The following APCDD1 variants were observed in gnomAD, a reference collection of about 807,000 sequenced individuals.
APCDD1 encodes protein APCDD1.
In APCDD1, 15 loss-of-function variants were observed where a neutral mutation model predicts 38.1. That is an observed-to-expected ratio of 0.39 (90% confidence interval 0.26 to 0.61). APCDD1 has a LOEUF of 0.61. Among genes scored for constraint, APCDD1 ranks in the 20% least tolerant of loss-of-function variants. The probability of loss-of-function intolerance (pLI) is 0.49; values close to 1 mark genes in which losing one functional copy is unlikely to be tolerated. For synonymous variants in APCDD1, 261 were observed against 279.7 expected (o/e 0.93, Z 0.67); for missense variants, 647 against 696.2 (o/e 0.93, Z 0.79).
intron 3 of APCDD1, among the ~76,000 whole-genome samples, chr18:10,484,093 C>G (rs753283874): frequency 1.3e-5 from 2 of 152,184 alleles, no homozygotes; most frequent in East Asian, 3.8e-4. Context: ...CTGCTGTGTC[C>G]GTGTTATAAA....
At chr18:10,477,558 G>T (rs1451803261) in intron 3 of APCDD1, 3 of 152,230 alleles carry the variant, frequency 2.0e-5, no homozygotes, top group Non-Finnish European at 4.4e-5. Flanking sequence ...TATTTAAGGA[G>T]TTAGGGGACC....
intron 3 of APCDD1, among the ~76,000 whole-genome samples, chr18:10,478,720 C>T (rs1489180833): frequency 3.3e-5 from 5 of 152,162 alleles, no homozygotes; most frequent in African/African-American, 7.2e-5. Context: ...GATTTTGAGG[C>T]GACACAAACA....
In APCDD1 at chr18:10,488,437, C is replaced by T. The variant is rs138936528; in HGVS notation, c.*399C>T. The T allele has an allele frequency of 2.3e-3, 447 of 193,228 alleles. 2 individuals carry two copies. The highest frequency in any genetic ancestry group is 9.7e-3 in the African/African-American group (408 of 42,044). 12.0% of individuals were successfully genotyped at this position (193,228 alleles called of 1,614,324 possible). On this transcript the variant is annotated 3_prime_UTR_variant, in exon 5 of 5. Coordinates refer to ENST00000355285, the MANE Select transcript of APCDD1 (RefSeq NM_153000.5). ...TTTTCCTGCCATTTTCCTGTGGTTGCAGCCTGTCTTCCTTTGAAATTGTTT... is the reference window on the plus strand; with the variant it reads ...TTTTCCTGCCATTTTCCTGTGGTTGTAGCCTGTCTTCCTTTGAAATTGTTT...
chr18:10,479,336 T>C (rs146993593), intron 3 of APCDD1, among the ~76,000 whole-genome samples: 1 of 152,338 alleles, frequency 6.6e-6, no homozygotes, highest in Non-Finnish European at 1.5e-5. Context: ...GGAACACTGC[T>C]TTTGAAGGCT....
intron 1 of APCDD1, 47 bp downstream of exon 1, chr18:10,455,086 C>G: frequency 6.5e-7 from 1 of 1,545,208 alleles, no homozygotes; most frequent in Non-Finnish European, 8.7e-7. Flanking sequence ...GCGGAGGCAG[C>G]CCGGGCGCCG....
At chr18:10,455,163 T>A in intron 1 of APCDD1, 124 bp downstream of exon 1, 2 of 1,410,654 alleles carry the variant, frequency 1.4e-6, no homozygotes, top group Non-Finnish European at 9.3e-7. Flanking sequence ...GCGGGGCGGG[T>A]CCGAGGGGAG....
chr18:10,487,792 G>T lies in APCDD1; in HGVS notation c.1299G>T (p.Gly433=). The change falls in exon 5 of 5, where the codon GGG becomes GGT. Residue 433 remains glycine (G), a synonymous_variant. Coordinates refer to ENST00000355285, the MANE Select transcript of APCDD1 (RefSeq NM_153000.5). The stretch of plus-strand genomic sequence containing the variant: ...TCAAAATGGAACAGGATGCCCGGGG[G>T]CGCTATCTGCTGTTCAACGGTCAGA... ...EIFKMEQDAR[G]RYLLFNGQRP... is the part of the protein sequence containing the mutation. 1.2e-6 allele frequency: 2 copies of T among 1,614,148 alleles called. No individual in the cohort carries two copies. Among genetic ancestry groups the T allele is most frequent in the Non-Finnish European group, 1.7e-6 (2 of 1,180,042 alleles).
chr18:10,487,608 C>T lies in APCDD1; in HGVS notation c.1115C>T (p.Thr372Ile). Reference sequence around the variant, plus strand: ...TTTGCAGTGAATCACATGAAGGTCACCCCCATGGATGCGGCCACAGCCTCA... The same window carrying T: ...TTTGCAGTGAATCACATGAAGGTCATCCCCATGGATGCGGCCACAGCCTCA... ...FVFKVNHMKV[T>I]PMDAATASLL... The change falls in exon 5 of 5, where the codon ACC (threonine) becomes ATC (isoleucine). Residue 372 changes from threonine to isoleucine, a missense_variant. Coordinates refer to ENST00000355285, the MANE Select transcript of APCDD1 (RefSeq NM_153000.5). 6.2e-7 allele frequency: 1 copy of T among 1,614,092 alleles called. No homozygotes were observed. Among genetic ancestry groups the T allele is most frequent in the Non-Finnish European group, 8.5e-7 (1 of 1,180,036 alleles).
At chr18:10,458,839 C>T (rs1427636224) in intron 1 of APCDD1, among the ~76,000 whole-genome samples, 1 of 152,172 alleles carries the variant, frequency 6.6e-6, no homozygotes, top group East Asian at 1.9e-4. Flanking sequence ...GTAGACTCTT[C>T]CCCTGGAGTT....
intron 1 of APCDD1, among the ~76,000 whole-genome samples, chr18:10,457,345 C>A (rs2030408659): frequency 6.6e-6 from 1 of 152,208 alleles, no homozygotes; most frequent in African/African-American, 2.4e-5. Context: ...CTCAACCTAA[C>A]CAAGGGAATG....
intron 3 of APCDD1, among the ~76,000 whole-genome samples, chr18:10,479,429 AAAAC>A (rs1294201509): frequency 6.6e-6 from 1 of 152,246 alleles, no homozygotes; most frequent in Admixed American, 6.5e-5. Flanking sequence ...GAAGATGGCG[AAAAC>A]AAACAGATAC....
rs1400017148 is a variant in APCDD1, at chr18:10,454,683, G to C, written c.-299G>C. 1.0e-5 allele frequency: 10 copies of C among 986,518 alleles called. No individual in the cohort carries two copies. The highest frequency in any genetic ancestry group is 9.6e-6 in the Non-Finnish European group (8 of 831,438). 61.1% of individuals were successfully genotyped at this position (986,518 alleles called of 1,614,324 possible). A position where few individuals can be genotyped will look rare whatever the true frequency, so the allele number is the denominator to read the frequency against. The stretch of plus-strand genomic sequence containing the variant: ...GCGGTGGCGGCCACTGCAGCTCAGA[G>C]CGGCGCACGCGGCGGCCGGGGCGGG... On this transcript the variant is annotated 5_prime_UTR_variant, in exon 1 of 5. Coordinates refer to ENST00000355285, the MANE Select transcript of APCDD1 (RefSeq NM_153000.5).
At position 10,487,636 on chromosome 18, in the gene APCDD1, G is replaced by T. The variant is rs1251301283; in HGVS notation, c.1143G>T (p.Leu381=). 6.2e-7 allele frequency: 1 copy of T among 1,614,196 alleles called. No homozygotes were observed. Among genetic ancestry groups the T allele is most frequent in the Admixed American group, 1.7e-5 (1 of 60,032 alleles). The part of the protein sequence containing the change: ...VTPMDAATAS[L]LNVFNGNECG... ...CCATGGATGCGGCCACAGCCTCACT[G>T]CTCAACGTCTTCAACGGGAATGAGT... Residue 381 remains leucine (L), a synonymous_variant, in exon 5 of 5, where the codon CTG becomes CTT. Transcript: ENST00000355285.
Position 10,471,407 on chromosome 18 carries a change from C to T in APCDD1, c.243-123C>T. On this transcript the variant is annotated intron_variant, in intron 2 of 4. Coordinates refer to ENST00000355285, the MANE Select transcript of APCDD1 (RefSeq NM_153000.5). This position sits in a 1 kb window ranked among gnomAD's most constrained non-coding sequence, Gnocchi z 5.5. The stretch of plus-strand genomic sequence containing the variant: ...TGAGTTGGTATCTATAAAGGGCTGA[C>T]AACAGAGTCTGGCCCATCGTCAGCA... 1 of 1,288,676 alleles carries T rather than the reference C, an allele frequency of 7.8e-7. No homozygotes were observed. The highest frequency in any genetic ancestry group is 1.3e-5 in the South Asian group (1 of 78,902). 79.8% of individuals were successfully genotyped at this position (1,288,676 alleles called of 1,614,324 possible).
chr18:10,488,147 A>C lies in APCDD1; in HGVS notation c.*109A>C. The C allele has an allele frequency of 7.3e-7, 1 of 1,363,306 alleles. No homozygotes were observed. Among genetic ancestry groups the C allele is most frequent in the Non-Finnish European group, 1.0e-6 (1 of 991,136 alleles). The allele number at this position is 1,363,306 out of a possible 1,614,324, so 84.5% of individuals were successfully genotyped here. A position where few individuals can be genotyped will look rare whatever the true frequency, so the allele number is the denominator to read the frequency against. On this transcript the variant is annotated 3_prime_UTR_variant, in exon 5 of 5. Coordinates refer to ENST00000355285, the MANE Select transcript of APCDD1 (RefSeq NM_153000.5). Reference sequence around the variant, plus strand: ...TTTTGATGCACTTGAATGCCAGAGAACTGTCCTTCTTTTTCTCCTCTCCCT... The same window carrying C: ...TTTTGATGCACTTGAATGCCAGAGACCTGTCCTTCTTTTTCTCCTCTCCCT...
chr18:10,456,163 C>T (rs1385059623), intron 1 of APCDD1, among the ~76,000 whole-genome samples: 1 of 152,232 alleles, frequency 6.6e-6, no homozygotes, highest in African/African-American at 2.4e-5. Flanking sequence ...GGATGGCTCG[C>T]ATAGCTCCAC....
intron 1 of APCDD1, among the ~76,000 whole-genome samples, chr18:10,464,943 G>T (rs966331460): frequency 1.3e-4 from 20 of 152,092 alleles, no homozygotes; most frequent in African/African-American, 4.8e-4. Context: ...ACTTTTTGAG[G>T]GTGGTCTGAG....
chr18:10,475,796 G>GGGC lies in APCDD1; in HGVS notation c.774+3737_774+3738insCGG, dbSNP rs1555645218. 7.5e-6 allele frequency: 1 copy of GGGC among 132,874 alleles called. No individual in the cohort carries two copies. The highest frequency in any genetic ancestry group is 3.0e-5 in the African/African-American group (1 of 33,064). The allele number at this position is 132,874 out of a possible 1,614,324, so 8.2% of individuals were successfully genotyped here. On this transcript the variant is annotated intron_variant, in intron 3 of 4. Coordinates refer to ENST00000355285, the MANE Select transcript of APCDD1 (RefSeq NM_153000.5). The surrounding 1 kb of genome is among the most constrained non-coding windows in gnomAD (Gnocchi z 4.0). ...TAGCTGCCTCGCAAGATGGCTGAGG[G>GGGC]GGGGGGGGGTCAGTGGAAGGCCGAG...
At chr18:10,481,044 A>T (rs1027051161) in intron 3 of APCDD1, among the ~76,000 whole-genome samples, 2 of 152,270 alleles carry the variant, frequency 1.3e-5, no homozygotes, top group African/African-American at 4.8e-5. Context: ...GATCAAAACT[A>T]GAAAATATCC....
Sources: gnomAD v4.1 joint callset for allele counts (sites outside exome capture counted in the v4.1 genomes callset) on GRCh38, gnomAD v4.1.1 for gene constraint, Gnocchi (gnomAD v3.1) non-coding constraint, MANE v1.5 for transcripts, NCBI Gene and HGNC (gene_info 2026-07-23, HGNC 2026-07-21) for gene names.